The following KDM4C variants were observed in gnomAD, a reference collection of about 807,000 sequenced individuals.
KDM4C encodes lysine-specific demethylase 4C.
Under a neutral mutation model 129.3 loss-of-function variants are expected in KDM4C, and 81 were observed. That is an observed-to-expected ratio of 0.63 (90% CI 0.52 to 0.75). The LOEUF (loss-of-function observed/expected upper bound fraction) is 0.75, where lower values mean the gene tolerates loss of function less well. KDM4C is among the 30% of genes least tolerant of loss of function. The pLI is 0.00. For synonymous variants in KDM4C, 573 were observed against 456.1 expected (o/e 1.26, Z -3.26); for missense variants, 1,457 against 1,304.0 (o/e 1.12, Z -1.81).
intron 8 of KDM4C, among the ~76,000 whole-genome samples, chr9:6,896,206 G>T (rs960623096): frequency 3.3e-5 from 5 of 152,082 alleles, no homozygotes; most frequent in Non-Finnish European, 7.4e-5. Context: ...GTCTTCATCA[G>T]TTTGTTCTAA....
intron 18 of KDM4C, among the ~76,000 whole-genome samples, chr9:7,117,116 G>C (rs971030045): frequency 6.6e-6 from 1 of 152,180 alleles, no homozygotes; most frequent in East Asian, 1.9e-4. Flanking sequence ...AAAAGTTATA[G>C]AACATTCAGG....
intron 8 of KDM4C, among the ~76,000 whole-genome samples, chr9:6,943,069 A>G (rs770514978): frequency 3.3e-5 from 5 of 151,970 alleles, no homozygotes; most frequent in Non-Finnish European, 7.4e-5. Flanking sequence ...AGGTCTTGCC[A>G]TGGTTCCCTG....
intron 1 of KDM4C, among the ~76,000 whole-genome samples, chr9:6,772,898 G>A (rs1424399772): frequency 2.7e-5 from 4 of 149,380 alleles, no homozygotes; most frequent in African/African-American, 9.9e-5. Flanking sequence ...GTTTCACCAT[G>A]TTGGCCAGGC....
intron 3 of KDM4C, among the ~76,000 whole-genome samples, chr9:6,806,878 G>GTCTCCC (rs763666519): frequency 0.09 from 12,454 of 139,126 alleles, 681 homozygotes; most frequent in African/African-American, 0.11. Context: ...CTCCGTCTCC[G>GTCTCCC]TCTCCCTCTC....
rs773960850 is a variant in KDM4C at position 7,105,497 on chromosome 9, C to T, written c.2610+1627C>T. 3.0e-5 allele frequency: 14 copies of T among 470,226 alleles called. 1 individual carries two copies. Among genetic ancestry groups the T allele is most frequent in the South Asian group, 1.6e-4 (10 of 64,374 alleles). 29.1% of individuals were successfully genotyped at this position (470,226 alleles called of 1,614,324 possible). A position where few individuals can be genotyped will look rare whatever the true frequency, so the allele number is the denominator to read the frequency against. ...GTGCTACAATCTTATGTGAACTGGG[C>T]CACGTGAGTAGTGTTTTTCCTGTTT... On this transcript the variant is annotated intron_variant, in intron 18 of 21. Coordinates refer to ENST00000381309, the MANE Select transcript of KDM4C (RefSeq NM_015061.6).
At chr9:6,756,609 C>T (rs2130330379), upstream of KDM4C, among the ~76,000 whole-genome samples, 1 of 152,238 alleles carries the variant, frequency 6.6e-6, no homozygotes, top group East Asian at 1.9e-4. Flanking sequence ...CCCAGCTACT[C>T]GGGAGGCTGA....
At chr9:6,846,745 C>G (rs1338183851) in intron 4 of KDM4C, among the ~76,000 whole-genome samples, 1 of 152,178 alleles carries the variant, frequency 6.6e-6, no homozygotes, top group Non-Finnish European at 1.5e-5. Context: ...AATCACTTCT[C>G]ACATGCTTGA....
At chr9:7,008,164 GGA>G (rs772860829) in intron 12 of KDM4C, among the ~76,000 whole-genome samples, 4 of 152,178 alleles carry the variant, frequency 2.6e-5, no homozygotes, top group Non-Finnish European at 4.4e-5. Context: ...TGTGTGGGAA[GGA>G]GAGTGATGTG....
intron 17 of KDM4C, among the ~76,000 whole-genome samples, chr9:7,052,908 A>AACGAGAGATT (rs1280627493): frequency 6.0e-5 from 2 of 33,442 alleles, no homozygotes; most frequent in South Asian, 6.8e-4. Context: ...AGAGCGAGCG[A>AACGAGAGATT]GTGCCCAAGG....
chr9:7,024,265 T>C (rs1447734398), intron 15 of KDM4C, among the ~76,000 whole-genome samples: 1 of 150,712 alleles, frequency 6.6e-6, no homozygotes. Flanking sequence ...GGAGTCTATC[T>C]CTCTTTTTAT....
At chr9:6,722,077 GGAACTGT>G (rs1212104447) in intron 1 of KDM4C, among the ~76,000 whole-genome samples, 1 of 152,184 alleles carries the variant, frequency 6.6e-6, no homozygotes, top group Non-Finnish European at 1.5e-5. Flanking sequence ...TAGTTGTAGA[GGAACTGT>G]TCCGTGCTGG....
intron 1 of KDM4C, among the ~76,000 whole-genome samples, chr9:6,763,415 C>T (rs1319521017): frequency 6.6e-6 from 1 of 152,180 alleles, no homozygotes; most frequent in East Asian, 1.9e-4. Flanking sequence ...CTCAATCCTG[C>T]ACACTGGCCA....
In KDM4C at chr9:6,990,466, C is replaced by G; in HGVS notation, c.1728C>G (p.Ser576Arg). 6.2e-7 allele frequency: 1 copy of G among 1,613,158 alleles called. No homozygotes were observed. The stretch of plus-strand genomic sequence containing the variant: ...CTAAGAGTTGGCGCCATCCACTTAG[C>G]AGGCCTCCAGCAAGATCTCCGATGA... ...KTSKSWRHPL[S>R]RPPARSPMTL... The change falls in exon 12 of 22, where the codon AGC (serine) becomes AGG (arginine). Residue 576 changes from serine (S) to arginine (R), a missense_variant. Physicochemically the swap from Ser to Arg is moderately radical, Grantham distance 110 (BLOSUM62 -1). Coordinates refer to ENST00000381309, the MANE Select transcript of KDM4C (RefSeq NM_015061.6).
intron 4 of KDM4C, among the ~76,000 whole-genome samples, chr9:6,828,208 C>T (rs938232835): frequency 1.3e-5 from 2 of 151,832 alleles, no homozygotes; most frequent in African/African-American, 4.8e-5. Flanking sequence ...AGTGCAGTGG[C>T]GTGATCTCAG....
At chr9:6,914,294 G>A (rs1312252411) in intron 8 of KDM4C, among the ~76,000 whole-genome samples, 2 of 152,108 alleles carry the variant, frequency 1.3e-5, no homozygotes, top group African/African-American at 4.8e-5. Context: ...CCCGACCTCA[G>A]GTGATCTGCC....
Position 6,909,117 on chromosome 9 carries a change from A to G in KDM4C, c.921+15885A>G, listed in dbSNP as rs185564740. On this transcript the variant is annotated intron_variant, in intron 8 of 21. Transcript: ENST00000381309. Reference sequence around the variant, plus strand: ...TGAAAATAAAACAAATATGTGAAACATACTGAAAATGCTAAAACCTACATG... The same window carrying G: ...TGAAAATAAAACAAATATGTGAAACGTACTGAAAATGCTAAAACCTACATG... Among the ~76,000 whole-genome samples, 12 of 152,378 alleles carry G rather than the reference A, an allele frequency of 7.9e-5. No homozygotes were observed. The East Asian group carries it at 1.5e-3, about 20-fold the overall frequency.
chr9:7,152,397 A>T (rs942189182), intron 19 of KDM4C, among the ~76,000 whole-genome samples: 3 of 152,260 alleles, frequency 2.0e-5, no homozygotes, highest in African/African-American at 4.8e-5. Context: ...CAAAATGCTC[A>T]TGATGTAATC....
intron 3 of KDM4C, among the ~76,000 whole-genome samples, chr9:6,812,532 T>A (rs1831346572): frequency 1.3e-5 from 2 of 152,134 alleles, no homozygotes; most frequent in Non-Finnish European, 2.9e-5. Context: ...TAGGTTCTCA[T>A]AAGGAGTGTG....
intron 8 of KDM4C, among the ~76,000 whole-genome samples, chr9:6,918,676 A>G (rs1820777632): frequency 1.3e-5 from 2 of 152,188 alleles, no homozygotes; most frequent in South Asian, 4.1e-4. Flanking sequence ...CCTCACTAGC[A>G]TGTATTATTT....
Sources: allele counts gnomAD v4.1 joint callset (sites outside exome capture counted in the v4.1 genomes callset), GRCh38; gene constraint gnomAD v4.1.1; transcripts MANE v1.5; gene names NCBI Gene and HGNC (gene_info 2026-07-23, HGNC 2026-07-21).